CDYL2: variants seen among roughly 807,000 people sequenced by gnomAD.
CDYL2 encodes chromodomain Y-like protein 2.
CDYL2 carries 23 observed loss-of-function variants against 49.4 expected under a neutral mutation model. That is an observed-to-expected ratio of 0.47 (90% CI 0.34 to 0.66). The LOEUF is 0.66. Ranked by LOEUF, CDYL2 falls within the 30% of genes least tolerant of loss-of-function variation. The pLI is 0.01. For missense variants in CDYL2, 678 were observed against 656.4 expected, an observed-to-expected ratio of 1.03 and a Z score of -0.36; for synonymous variants, 360 against 268.8, an observed-to-expected ratio of 1.34 and a Z score of -3.32.
chr16:80,685,649 T>C (rs367571685), intron 1 of CDYL2, among the ~76,000 whole-genome samples: 26 of 152,304 alleles, frequency 1.7e-4, no homozygotes, highest in African/African-American at 6.3e-4. Context: ...GACACTATAC[T>C]AAATGCTGGG....
chr16:80,651,893 G>C (rs1420930915), intron 2 of CDYL2, among the ~76,000 whole-genome samples: 3 of 152,198 alleles, frequency 2.0e-5, no homozygotes, highest in Non-Finnish European at 2.9e-5. Context: ...ATTGCAGATG[G>C]TGGGACTTAG....
chr16:80,673,476 T>C (rs1405306270), intron 2 of CDYL2, among the ~76,000 whole-genome samples: 1 of 152,234 alleles, frequency 6.6e-6, no homozygotes, highest in East Asian at 1.9e-4. Context: ...GATGTGGCTT[T>C]TGCTATTTCT....
chr16:80,611,835 G>C (rs115756462), intron 5 of CDYL2, among the ~76,000 whole-genome samples: 1 of 152,210 alleles, frequency 6.6e-6, no homozygotes, highest in Non-Finnish European at 1.5e-5. Context: ...GCTCTCCCCT[G>C]TCCAGACTTG....
chr16:80,677,033 C>A (rs556375695), intron 2 of CDYL2, among the ~76,000 whole-genome samples: 1 of 134,848 alleles, frequency 7.4e-6, no homozygotes, highest in African/African-American at 2.8e-5. Context: ...TGCAGTGGCA[C>A]AATCACAGCT....
chr16:80,677,067 C>A (rs1909778872), intron 2 of CDYL2, among the ~76,000 whole-genome samples: 1 of 148,030 alleles, frequency 6.8e-6, no homozygotes, highest in South Asian at 2.1e-4. Context: ...ACCTCCTGGG[C>A]TCAAGTGATC....
rs886809195 is a variant in CDYL2 at position 80,616,884 on chromosome 16, C to A, written c.1007+3879G>T. Among the ~76,000 whole-genome samples the A allele has an allele frequency of 3.3e-5, 5 of 152,290 alleles. No homozygotes were observed. The South Asian group carries it at 8.3e-4, about 25-fold the overall frequency. ...CCAGTACCATCATTTTGATTGTTCC[C>A]ATTTTCTGGATGAGCTAATAGGCAC... On this transcript the variant is annotated intron_variant, in intron 4 of 6. Transcript: ENST00000570137.
chr16:80,757,203 T>C (rs1906340931), intron 1 of CDYL2, among the ~76,000 whole-genome samples: 1 of 152,136 alleles, frequency 6.6e-6, no homozygotes, highest in Admixed American at 6.6e-5. Flanking sequence ...CAGACTTTAA[T>C]AACTAAAAGA....
intron 1 of CDYL2, among the ~76,000 whole-genome samples, chr16:80,701,807 C>T (rs972722744): frequency 1.3e-5 from 2 of 152,028 alleles, no homozygotes; most frequent in African/African-American, 4.8e-5. Flanking sequence ...TCTCAAGTAC[C>T]TTTGGGAGAA....
At chr16:80,611,156 T>C (rs1212442152) in intron 5 of CDYL2, among the ~76,000 whole-genome samples, 2 of 152,166 alleles carry the variant, frequency 1.3e-5, no homozygotes, top group Non-Finnish European at 2.9e-5. Flanking sequence ...CTGAACAAGG[T>C]GGGACCTCCT....
chr16:80,669,069 A>G (rs1909390499), intron 2 of CDYL2, among the ~76,000 whole-genome samples: 1 of 152,068 alleles, frequency 6.6e-6, no homozygotes, highest in African/African-American at 2.4e-5. Flanking sequence ...TTAGGGACCT[A>G]GATATACCAC....
chr16:80,668,336 TAGAC>T (rs1229779426), intron 2 of CDYL2, among the ~76,000 whole-genome samples: 4 of 152,166 alleles, frequency 2.6e-5, no homozygotes, highest in Admixed American at 2.0e-4. Context: ...GATAAATGAA[TAGAC>T]AGACAGATGA....
rs1224023609 is a variant in CDYL2, at chr16:80,612,150, C to T, written c.1218+476G>A. On this transcript the variant is annotated intron_variant, in intron 5 of 6. Coordinates refer to ENST00000570137, the MANE Select transcript of CDYL2 (RefSeq NM_152342.4). This position sits in a 1 kb window ranked among gnomAD's most constrained non-coding sequence, Gnocchi z 5.0. Reference sequence around the variant, plus strand: ...GTGGAGGGGAAGACGCCCCTGCCGGCCTGGCCCATGAAGCCCTCCAGGGTG... The same window carrying T: ...GTGGAGGGGAAGACGCCCCTGCCGGTCTGGCCCATGAAGCCCTCCAGGGTG... Among the ~76,000 whole-genome samples the T allele has an allele frequency of 1.3e-5, 2 of 152,166 alleles. No homozygotes were observed. Among genetic ancestry groups the T allele is most frequent in the African/African-American group, 4.8e-5 (2 of 41,440 alleles).
intron 1 of CDYL2, among the ~76,000 whole-genome samples, chr16:80,715,854 T>C (rs116351864): frequency 0.02 from 3,011 of 152,354 alleles, 28 homozygotes; most frequent in African/African-American, 0.029. Context: ...CTGGCCCTTG[T>C]GCCCTGGAAA....
chr16:80,628,450 CAG>C (rs1468626916), intron 3 of CDYL2: 1 of 152,246 alleles, frequency 6.6e-6, no homozygotes, highest in African/African-American at 2.4e-5. Flanking sequence ...TGGCAGGAAA[CAG>C]ATGCATCCAA....
chr16:80,765,275 T>G (rs962966343), intron 1 of CDYL2, among the ~76,000 whole-genome samples: 22 of 151,186 alleles, frequency 1.5e-4, no homozygotes, highest in Admixed American at 6.6e-4. Context: ...TATCCCATAA[T>G]GAAACAAACA....
intron 1 of CDYL2, among the ~76,000 whole-genome samples, chr16:80,789,596 G>C (rs1300772752): frequency 1.3e-5 from 2 of 149,344 alleles, no homozygotes; most frequent in Admixed American, 6.6e-5. Flanking sequence ...TGAGACTCCA[G>C]CAAAAAAAAA....
At position 80,749,074 on chromosome 16, in the gene CDYL2, T is replaced by C. The variant is rs1906039320; in HGVS notation, c.24+55076A>G. On this transcript the variant is annotated intron_variant, in intron 1 of 6. Coordinates refer to ENST00000570137, the MANE Select transcript of CDYL2 (RefSeq NM_152342.4). ...TAACTGTACCTAAATAAAATATATA[T>C]AGCAAAACAGAGCTAAAGAAACTTG... Among the ~76,000 whole-genome samples, 5 of 152,108 alleles carry C rather than the reference T, an allele frequency of 3.3e-5. No homozygotes were observed. In the South Asian group the frequency reaches 6.2e-4, roughly 19 times the overall value.
chr16:80,645,419 T>A (rs1908295144), intron 2 of CDYL2, among the ~76,000 whole-genome samples: 1 of 151,984 alleles, frequency 6.6e-6, no homozygotes, highest in South Asian at 2.1e-4. Flanking sequence ...GAAATGCAAA[T>A]CAAAACCACA....
intron 1 of CDYL2, among the ~76,000 whole-genome samples, chr16:80,687,145 A>C (rs911560247): frequency 6.6e-6 from 1 of 152,240 alleles, no homozygotes; most frequent in Non-Finnish European, 1.5e-5. Context: ...GAGGAAAGAG[A>C]GTAAGCAATC....
Sources: gnomAD v4.1 joint callset for allele counts (sites outside exome capture counted in the v4.1 genomes callset) on GRCh38, gnomAD v4.1.1 for gene constraint, Gnocchi (gnomAD v3.1) non-coding constraint, MANE v1.5 for transcripts, NCBI Gene and HGNC (gene_info 2026-07-23, HGNC 2026-07-21) for gene names.